Variants in CFAP58 observed in about 807,000 individuals in gnomAD.
The protein encoded by CFAP58 is cilia- and flagella-associated protein 58.
Under a neutral mutation model 119.5 loss-of-function variants are expected in CFAP58, and 88 were observed. That is an observed-to-expected ratio of 0.74 (90% CI 0.62 to 0.88). CFAP58 has a LOEUF of 0.88. Among genes scored for constraint, CFAP58 ranks in the 40% least tolerant of loss-of-function variants. The pLI is 0.00. For synonymous variants in CFAP58, 365 were observed against 366.3 expected (o/e 1.00, Z 0.04); for missense variants, 990 against 1,021.2 (o/e 0.97, Z 0.42).
intron 15 of CFAP58, among the ~76,000 whole-genome samples, chr10:104,441,254 C>T (rs1490808842): frequency 2.0e-5 from 3 of 152,218 alleles, no homozygotes; most frequent in Middle Eastern, 3.2e-3. Context: ...TTGCCTGCAT[C>T]GGCCTCCCAA....
At chr10:104,373,337 A>G (rs1458226304) in intron 7 of CFAP58, among the ~76,000 whole-genome samples, 1 of 152,176 alleles carries the variant, frequency 6.6e-6, no homozygotes, top group Non-Finnish European at 1.5e-5. Context: ...TTCCAAAAAA[A>G]TTTCAGTGAG....
chr10:104,357,882 CATATATAAACAT>C (rs1223407489), intron 1 of CFAP58, among the ~76,000 whole-genome samples: 1 of 108,484 alleles, frequency 9.2e-6, no homozygotes, highest in Non-Finnish European at 1.9e-5. Context: ...TATATGTACA[CATATATAAACAT>C]ATATGTACAC....
Position 104,403,857 on chromosome 10 carries a change from T to A in CFAP58, c.2151+17T>A, listed in dbSNP as rs1281845511. 1.3e-6 allele frequency: 2 copies of A among 1,518,586 alleles called. No individual in the cohort carries two copies. Among genetic ancestry groups the A allele is most frequent in the Non-Finnish European group, 1.8e-6 (2 of 1,100,824 alleles). The allele number at this position is 1,518,586 out of a possible 1,614,324, so 94.1% of individuals were successfully genotyped here. A position where few individuals can be genotyped will look rare whatever the true frequency, so the allele number is the denominator to read the frequency against. On this transcript the variant is annotated intron_variant, in intron 14 of 17. Coordinates refer to ENST00000369704, the MANE Select transcript of CFAP58 (RefSeq NM_001008723.2). ...AAGCTCGAGGTAACATCTGGCAGCG[T>A]GTTCTCCCCATCCCCAAATCTCTCC... is the stretch of plus-strand genomic sequence containing the variant.
intron 15 of CFAP58, among the ~76,000 whole-genome samples, chr10:104,409,268 G>A (rs368935934): frequency 3.3e-5 from 5 of 151,810 alleles, no homozygotes; most frequent in East Asian, 3.8e-4. Flanking sequence ...TAATATTTTA[G>A]GATAATTAAA....
At chr10:104,382,425 C>T (rs1338104816) in intron 9 of CFAP58, 18 of 496,370 alleles carry the variant, frequency 3.6e-5, no homozygotes, top group East Asian at 2.5e-4. Context: ...GGTGCCATCA[C>T]ACCACCATCA....
intron 5 of CFAP58, among the ~76,000 whole-genome samples, chr10:104,367,645 G>A (rs2014770163): frequency 6.6e-6 from 1 of 152,112 alleles, no homozygotes; most frequent in Non-Finnish European, 1.5e-5. Flanking sequence ...CCCTATTGAT[G>A]GAGAATTAGC....
intron 15 of CFAP58, 66 bp downstream of exon 15, chr10:104,406,859 C>A: frequency 8.0e-7 from 1 of 1,245,202 alleles, no homozygotes; most frequent in South Asian, 1.2e-5. Flanking sequence ...GGACTACGTT[C>A]TTAGAATTAG....
At position 104,454,478 on chromosome 10, in the gene CFAP58, C is replaced by T. The variant is rs759548903; in HGVS notation, c.2567C>T (p.Pro856Leu). 4.3e-5 allele frequency: 70 copies of T among 1,613,820 alleles called. 1 individual carries two copies. Among genetic ancestry groups the T allele is most frequent in the Non-Finnish European group, 2.5e-6 (3 of 1,179,866 alleles). ...TTCTTAATGGTCAAACCAAATGGTC[C>T]TGGTTTTACTGGGGGCGGATTTCCT... ...NTFLMVKPNG[P>L]GFTGGGFPLR... The change falls in exon 18 of 18, where the codon CCT (proline) becomes CTT (leucine). Residue 856 changes from proline (P) to leucine (L), a missense_variant. Physicochemically the swap from Pro to Leu is moderately conservative, Grantham distance 98. Coordinates refer to ENST00000369704, the MANE Select transcript of CFAP58 (RefSeq NM_001008723.2).
chr10:104,450,292 TTCACTGGGGTAAACTAAA>T, intron 17 of CFAP58, 88 bp downstream of exon 17: 2 of 1,344,858 alleles, frequency 1.5e-6, no homozygotes, highest in Non-Finnish European at 2.1e-6. Context: ...AGTTGCAAGT[TTCACTGGGGTAAACTAAA>T]TCACAGGGTA....
At chr10:104,426,044 C>T (rs939973430) in intron 15 of CFAP58, among the ~76,000 whole-genome samples, 1 of 152,058 alleles carries the variant, frequency 6.6e-6, no homozygotes, top group Non-Finnish European at 1.5e-5. Flanking sequence ...CCAGCCTGGG[C>T]AACATGGCAA....
intron 15 of CFAP58, among the ~76,000 whole-genome samples, chr10:104,421,321 C>T (rs1317081815): frequency 6.6e-6 from 1 of 152,224 alleles, no homozygotes; most frequent in Non-Finnish European, 1.5e-5. Flanking sequence ...CCTCTCCACA[C>T]CCATGAATGG....
chr10:104,392,186 C>T (rs1434348191), intron 9 of CFAP58, 47 bp from the exon 10 acceptor site: 3 of 1,479,316 alleles, frequency 2.0e-6, no homozygotes, highest in Non-Finnish European at 2.7e-6. Flanking sequence ...AACCAATAAG[C>T]ACAGATGGGC....
chr10:104,397,877 G>A (rs2012192681), intron 11 of CFAP58, among the ~76,000 whole-genome samples: 2 of 152,158 alleles, frequency 1.3e-5, no homozygotes, highest in Admixed American at 1.3e-4. Context: ...TTCCCCCACT[G>A]CATGCCCTAT....
chr10:104,451,950 G>T (rs1394051809), intron 17 of CFAP58, among the ~76,000 whole-genome samples: 1 of 151,840 alleles, frequency 6.6e-6, no homozygotes, highest in African/African-American at 2.4e-5. Context: ...TGTTGGCCAG[G>T]CTGGTCTCGA....
At chr10:104,362,594 C>T (rs1046633541) in intron 3 of CFAP58, among the ~76,000 whole-genome samples, 1 of 152,152 alleles carries the variant, frequency 6.6e-6, no homozygotes, top group African/African-American at 2.4e-5. Flanking sequence ...CCTGCTCCCC[C>T]ATCTCTTAAA....
chr10:104,373,568 C>A (rs1402147545), intron 7 of CFAP58, among the ~76,000 whole-genome samples: 1 of 152,084 alleles, frequency 6.6e-6, no homozygotes, highest in Non-Finnish European at 1.5e-5. Context: ...GCAGGAGGAT[C>A]ACTTGAGTCT....
At chr10:104,371,852 G>T (rs1013481973) in intron 7 of CFAP58, among the ~76,000 whole-genome samples, 2 of 152,144 alleles carry the variant, frequency 1.3e-5, no homozygotes, top group African/African-American at 4.8e-5. Context: ...AAGAACCTGG[G>T]TATGAATTCT....
rs199788746 is a variant in CFAP58, at chr10:104,400,807, G to A, written c.1943G>A (p.Arg648Lys). 5.6e-6 allele frequency: 9 copies of A among 1,614,174 alleles called. No homozygotes were observed. In the East Asian group the frequency reaches 1.6e-4, roughly 28 times the overall value. The part of the protein sequence containing the change: ...LNKGESQYNQ[R>K]LEDMRILRLE... ...AAAGGGGAGAGCCAGTACAACCAGA[G>A]GTTGGAGGACATGAGAATCCTCAGA... The change falls in exon 13 of 18, where the codon AGG becomes AAG. Residue 648 changes from arginine to lysine, a missense_variant. By Grantham distance (26) the Arg-to-Lys change is conservative (BLOSUM62 2). Coordinates refer to ENST00000369704, the MANE Select transcript of CFAP58 (RefSeq NM_001008723.2).
intron 15 of CFAP58, among the ~76,000 whole-genome samples, chr10:104,428,402 C>T (rs1315750675): frequency 1.3e-5 from 2 of 152,130 alleles, no homozygotes; most frequent in African/African-American, 2.4e-5. Flanking sequence ...GACTATGAAA[C>T]ATTGGAGGGA....
Sources: allele counts gnomAD v4.1 joint callset (sites outside exome capture counted in the v4.1 genomes callset), GRCh38; gene constraint gnomAD v4.1.1; transcripts MANE v1.5; gene names NCBI Gene and HGNC (gene_info 2026-07-23, HGNC 2026-07-21).